The following GTF2E2 variants were observed in gnomAD, a reference collection of about 807,000 sequenced individuals.
The protein encoded by GTF2E2 is general transcription factor IIE subunit 2, also known as transcription initiation factor IIE subunit beta.
Under a neutral mutation model 40.5 loss-of-function variants are expected in GTF2E2, and 21 were observed. That is an observed-to-expected ratio of 0.52 (90% CI 0.37 to 0.75). GTF2E2 has a LOEUF of 0.75. Ranked by LOEUF, GTF2E2 falls within the 30% of genes least tolerant of loss-of-function variation. The pLI, the probability that GTF2E2 is intolerant of heterozygous loss-of-function variation, is 0.00. For missense variants in GTF2E2, 298 were observed against 338.4 expected, an observed-to-expected ratio of 0.88 and a Z score of 0.94; for synonymous variants, 117 against 121.6, an observed-to-expected ratio of 0.96 and a Z score of 0.25.
chr8:30,622,332 G>C (rs1801129374), intron 3 of GTF2E2, among the ~76,000 whole-genome samples: 1 of 151,986 alleles, frequency 6.6e-6, no homozygotes. Flanking sequence ...GTTCCGTGAT[G>C]CCCCACAAGC....
At chr8:30,583,797 AT>A (rs34027749) in intron 6 of GTF2E2, among the ~76,000 whole-genome samples, 13 of 151,236 alleles carry the variant, frequency 8.6e-5, no homozygotes, top group East Asian at 1.9e-4. Flanking sequence ...TTATTTATTT[AT>A]TTTATTTATT....
At chr8:30,602,020 CT>C (rs11292554) in intron 6 of GTF2E2, among the ~76,000 whole-genome samples, 106,893 of 141,780 alleles carry the variant, frequency 0.75, 40,293 homozygotes, top group Middle Eastern at 0.81. Context: ...ATTTTTTAAT[CT>C]TTTTTTTTTT....
chr8:30,602,662 G>C (rs1829214392), intron 6 of GTF2E2, among the ~76,000 whole-genome samples: 1 of 151,120 alleles, frequency 6.6e-6, no homozygotes, highest in Admixed American at 6.6e-5. Context: ...GCTGAGGCAG[G>C]AGAATTGCTT....
intron 2 of GTF2E2, among the ~76,000 whole-genome samples, chr8:30,651,517 G>A (rs1401571727): frequency 1.3e-5 from 2 of 152,206 alleles, no homozygotes; most frequent in Non-Finnish European, 2.9e-5. Flanking sequence ...CACTCTGGGA[G>A]GCTGAGGTAG....
chr8:30,578,782 T>A lies in GTF2E2; in HGVS notation c.*139A>T. On this transcript the variant is annotated 3_prime_UTR_variant, in exon 8 of 8. Coordinates refer to ENST00000355904, the MANE Select transcript of GTF2E2 (RefSeq NM_002095.6). ...TCAAATAAGCTTTGAGTTTGGTAATTTGCACTTGTTTTGTAAACTGAACTG... is the reference window on the plus strand; with the variant it reads ...TCAAATAAGCTTTGAGTTTGGTAATATGCACTTGTTTTGTAAACTGAACTG... The A allele has an allele frequency of 1.6e-6, 1 of 610,490 alleles. No individual in the cohort carries two copies. Among genetic ancestry groups the A allele is most frequent in the Non-Finnish European group, 3.0e-6 (1 of 334,780 alleles). The allele number at this position is 610,490 out of a possible 1,614,324, so 37.8% of individuals were successfully genotyped here. A position where few individuals can be genotyped will look rare whatever the true frequency, so the allele number is the denominator to read the frequency against.
At chr8:30,605,175 T>C (rs1423776347) in intron 6 of GTF2E2, among the ~76,000 whole-genome samples, 1 of 152,210 alleles carries the variant, frequency 6.6e-6, no homozygotes, top group Non-Finnish European at 1.5e-5. Context: ...CATGCTACAC[T>C]ATGCTGCCAT....
intron 6 of GTF2E2, among the ~76,000 whole-genome samples, chr8:30,588,975 C>T (rs1437786413): frequency 3.3e-5 from 5 of 152,176 alleles, no homozygotes; most frequent in South Asian, 4.1e-4. Flanking sequence ...CTGGCCTGGC[C>T]GGGCACAGTG....
At chr8:30,600,582 ATC>A (rs35704806) in intron 6 of GTF2E2, among the ~76,000 whole-genome samples, 4,970 of 152,232 alleles carry the variant, frequency 0.033, 291 homozygotes, top group African/African-American at 0.11. Context: ...GAATGAATAA[ATC>A]TTTTTTTAGA....
At chr8:30,624,880 G>T (rs1416342968) in intron 3 of GTF2E2, among the ~76,000 whole-genome samples, 1 of 151,980 alleles carries the variant, frequency 6.6e-6, no homozygotes, top group Non-Finnish European at 1.5e-5. Flanking sequence ...CTTTGCTGAA[G>T]TTGCTTATCA....
chr8:30,580,985 G>A (rs1341012300), intron 6 of GTF2E2, among the ~76,000 whole-genome samples: 1 of 152,176 alleles, frequency 6.6e-6, no homozygotes, highest in Non-Finnish European at 1.5e-5. Flanking sequence ...CCTGCCTGCA[G>A]CTTGTCTTCA....
At chr8:30,623,162 A>G (rs1198329829) in intron 3 of GTF2E2, among the ~76,000 whole-genome samples, 1 of 152,094 alleles carries the variant, frequency 6.6e-6, no homozygotes, top group Non-Finnish European at 1.5e-5. Context: ...GAACTAATAA[A>G]TGTCCATGAA....
At chr8:30,624,652 T>C (rs965180426) in intron 3 of GTF2E2, among the ~76,000 whole-genome samples, 1 of 152,104 alleles carries the variant, frequency 6.6e-6, no homozygotes, top group Non-Finnish European at 1.5e-5. Context: ...GAGCATGGAA[T>C]GTTCTTCCAT....
chr8:30,578,417 G>A lies in GTF2E2; in HGVS notation c.*504C>T, dbSNP rs1828417975. The A allele has an allele frequency of 1.3e-5, 2 of 157,410 alleles. No individual in the cohort carries two copies. The highest frequency in any genetic ancestry group is 6.4e-5 in the Admixed American group (1 of 15,746). 9.8% of individuals were successfully genotyped at this position (157,410 alleles called of 1,614,324 possible). A position where few individuals can be genotyped will look rare whatever the true frequency, so the allele number is the denominator to read the frequency against. On this transcript the variant is annotated 3_prime_UTR_variant, in exon 8 of 8. Transcript: ENST00000355904. ...GCTCAGCAACACAGTGCAGACTGCAGGCTTCATCACATCCCCAGCACGTGA... is the reference window on the plus strand; with the variant it reads ...GCTCAGCAACACAGTGCAGACTGCAAGCTTCATCACATCCCCAGCACGTGA...
At chr8:30,581,807 A>G (rs1828522430) in intron 6 of GTF2E2, among the ~76,000 whole-genome samples, 1 of 152,096 alleles carries the variant, frequency 6.6e-6, no homozygotes, top group African/African-American at 2.4e-5. Flanking sequence ...TTTCCATGAT[A>G]GTCGGCGTAT....
chr8:30,603,407 AAAC>A lies in GTF2E2; in HGVS notation c.643+3647_643+3649del, dbSNP rs1364038073. On this transcript the variant is annotated intron_variant, in intron 6 of 7. Transcript: ENST00000355904. ...ATGCCATCTAGAAAGGAAATACTTA[AAAC>A]AACAACAAAAAAATACAGACAGAAA... Among the ~76,000 whole-genome samples the A allele has an allele frequency of 5.9e-5, 9 of 152,314 alleles. No homozygotes were observed. In the East Asian group the frequency reaches 1.3e-3, roughly 23 times the overall value.
chr8:30,606,145 AAAC>A (rs763307091), intron 6 of GTF2E2, among the ~76,000 whole-genome samples: 1 of 152,254 alleles, frequency 6.6e-6, no homozygotes, highest in Non-Finnish European at 1.5e-5. Flanking sequence ...AGCTTATTAG[AAAC>A]AACAACATCA....
At chr8:30,619,435 C>A (rs1801020338) in intron 3 of GTF2E2, among the ~76,000 whole-genome samples, 1 of 150,326 alleles carries the variant, frequency 6.7e-6, no homozygotes, top group South Asian at 2.1e-4. Flanking sequence ...GGTGCCCACG[C>A]TGGAGTGCAA....
At chr8:30,601,318 G>A (rs2151119635) in intron 6 of GTF2E2, among the ~76,000 whole-genome samples, 1 of 152,314 alleles carries the variant, frequency 6.6e-6, no homozygotes, top group Admixed American at 6.5e-5. Context: ...CAGGAGCCAG[G>A]AAAAGGAATC....
chr8:30,655,066 T>C (rs1358401075), intron 1 of GTF2E2, among the ~76,000 whole-genome samples: 1 of 152,058 alleles, frequency 6.6e-6, no homozygotes, highest in Non-Finnish European at 1.5e-5. Context: ...CCAGTCATAG[T>C]GACACATACG....
Sources: allele counts gnomAD v4.1 joint callset (sites outside exome capture counted in the v4.1 genomes callset), GRCh38; gene constraint gnomAD v4.1.1; transcripts MANE v1.5; gene names NCBI Gene and HGNC (gene_info 2026-07-23, HGNC 2026-07-21).